Variants in ANKRD16 observed in about 807,000 individuals in gnomAD.
ANKRD16 encodes ankyrin repeat domain 16, also known as ankyrin repeat domain-containing protein 16.
ANKRD16 carries 35 observed loss-of-function variants against 37.9 expected under a neutral mutation model. The ratio of observed to expected loss-of-function variants is 0.92; its 90% CI spans 0.71 to 1.23. The LOEUF (loss-of-function observed/expected upper bound fraction) is 1.23. Ranked by LOEUF, ANKRD16 falls within the 50% of genes most tolerant of loss-of-function variation. ANKRD16 has a pLI of 0.00. For missense variants in ANKRD16, 480 were observed against 469.9 expected (o/e 1.02, Z -0.20); for synonymous variants, 206 against 197.2 (o/e 1.04, Z -0.37).
chr10:5,867,523 T>TAA, intron 7 of ANKRD16, among the ~76,000 whole-genome samples: 1 of 152,226 alleles, frequency 6.6e-6, no homozygotes, highest in East Asian at 1.9e-4. Context: ...GAGGTTTTAT[T>TAA]AATAGCAAAG....
chr10:5,889,030 T>C lies in ANKRD16; in HGVS notation c.314+11A>G. 2 of 1,511,026 alleles carry C rather than the reference T, an allele frequency of 1.3e-6. No homozygotes were observed. The highest frequency in any genetic ancestry group is 1.8e-6 in the Non-Finnish European group (2 of 1,135,880). The allele number at this position is 1,511,026 out of a possible 1,614,324, so 93.6% of individuals were successfully genotyped here. On this transcript the variant is annotated intron_variant, in intron 1 of 7. Coordinates refer to ENST00000380094, the MANE Select transcript of ANKRD16 (RefSeq NM_019046.3). Reference sequence around the variant, plus strand: ...GAGGGGAGGCGGGGTGTCTTTCCGCTCCACACCTACCAGTCGGCCTTCTTC... The same window carrying C: ...GAGGGGAGGCGGGGTGTCTTTCCGCCCCACACCTACCAGTCGGCCTTCTTC...
Position 5,870,376 on chromosome 10 carries a change from C to T in ANKRD16, c.*34-7685G>A, listed in dbSNP as rs1842069090. ...TCTTCCCTGCGACTCTGCCCGGGCACCAGCCAGTCCTCATTCCCTCCCTAC... is the reference window on the plus strand; with the variant it reads ...TCTTCCCTGCGACTCTGCCCGGGCATCAGCCAGTCCTCATTCCCTCCCTAC... On this transcript the variant is annotated intron_variant, in intron 7 of 7. Coordinates refer to ENST00000380094, the MANE Select transcript of ANKRD16 (RefSeq NM_019046.3). This position sits in a 1 kb window ranked among gnomAD's most constrained non-coding sequence, Gnocchi z 5.0. Among the ~76,000 whole-genome samples the T allele has an allele frequency of 6.6e-6, 1 of 151,838 alleles. No homozygotes were observed. The highest frequency in any genetic ancestry group is 6.6e-5 in the Admixed American group (1 of 15,240).
At position 5,864,684 on chromosome 10, in the gene ANKRD16, CAGCA is replaced by C. The variant is rs1253905783; in HGVS notation, c.*34-1997_*34-1994del. ...AGAAAGGGACAAATTCCCTACTGGT[CAGCA>C]AGCCGTCCCCATTATGGATCTCCAG... On this transcript the variant is annotated intron_variant, in intron 7 of 7. Coordinates refer to ENST00000380094, the MANE Select transcript of ANKRD16 (RefSeq NM_019046.3). This position sits in a 1 kb window ranked among gnomAD's most constrained non-coding sequence, Gnocchi z 4.4. 6.6e-6 allele frequency among the ~76,000 whole-genome samples: 1 copy of C among 152,160 alleles called. No individual in the cohort carries two copies. Among genetic ancestry groups the C allele is most frequent in the Non-Finnish European group, 1.5e-5 (1 of 68,038 alleles).
In ANKRD16 at chr10:5,874,866, C is replaced by T. The variant is rs115754639; in HGVS notation, c.*33+3231G>A. On this transcript the variant is annotated intron_variant, in intron 7 of 7. Transcript: ENST00000380094. This position sits in a 1 kb window ranked among gnomAD's most constrained non-coding sequence, Gnocchi z 4.7. ...GAGATGCTGGAGACAGAAGCTGGTA[C>T]GCATGAGCACGGAGGGCCAGCCTGA... Among the ~76,000 whole-genome samples, 920 of 152,082 alleles carry T rather than the reference C, an allele frequency of 6.0e-3. 9 individuals carry two copies. The highest frequency in any genetic ancestry group is 0.02 in the African/African-American group (848 of 41,454).
chr10:5,889,359 G>GCGGGT lies in ANKRD16; in HGVS notation c.-10_-6dup. On this transcript the variant is annotated 5_prime_UTR_variant, in exon 1 of 8. Transcript: ENST00000380094. ...CGGGTCCCCGGGCTGGGCCATCGCC[G>GCGGGT]CGGGTCGGGCCGGGCTGCGCGGGGA... is the stretch of plus-strand genomic sequence containing the variant. 2 of 1,219,844 alleles carry GCGGGT rather than the reference G, an allele frequency of 1.6e-6. No individual in the cohort carries two copies. Among genetic ancestry groups the GCGGGT allele is most frequent in the South Asian group, 4.0e-5 (1 of 25,268 alleles). 75.6% of individuals were successfully genotyped at this position (1,219,844 alleles called of 1,614,324 possible).
chr10:5,869,185 T>C lies in ANKRD16; in HGVS notation c.*34-6494A>G, dbSNP rs981389716. 1.3e-5 allele frequency among the ~76,000 whole-genome samples: 2 copies of C among 152,170 alleles called. No individual in the cohort carries two copies. The highest frequency in any genetic ancestry group is 4.8e-5 in the African/African-American group (2 of 41,442). ...GGCCCAAGGGAGACAAAAGATTAGA[T>C]ACCCTGCTTTTGGAGGCGAGGGATG... On this transcript the variant is annotated intron_variant, in intron 7 of 7. Coordinates refer to ENST00000380094, the MANE Select transcript of ANKRD16 (RefSeq NM_019046.3). This position sits in a 1 kb window ranked among gnomAD's most constrained non-coding sequence, Gnocchi z 4.0.
Position 5,874,907 on chromosome 10 carries a change from G to A in ANKRD16, c.*33+3190C>T, listed in dbSNP as rs1589017999. Among the ~76,000 whole-genome samples the A allele has an allele frequency of 6.6e-6, 1 of 152,308 alleles. No individual in the cohort carries two copies. The highest frequency in any genetic ancestry group is 2.4e-5 in the African/African-American group (1 of 41,556). On this transcript the variant is annotated intron_variant, in intron 7 of 7. Coordinates refer to ENST00000380094, the MANE Select transcript of ANKRD16 (RefSeq NM_019046.3). The surrounding 1 kb of genome is among the most constrained non-coding windows in gnomAD (Gnocchi z 4.7). ...GCCAGCCTGACAGAGGAGTGCAGAGGCAGAGAAGGAAAAGGCAGAAAGAAA... is the reference window on the plus strand; with the variant it reads ...GCCAGCCTGACAGAGGAGTGCAGAGACAGAGAAGGAAAAGGCAGAAAGAAA...
At chr10:5,877,189 T>C (rs916425565) in intron 7 of ANKRD16, among the ~76,000 whole-genome samples, 1 of 152,220 alleles carries the variant, frequency 6.6e-6, no homozygotes, top group African/African-American at 2.4e-5. Flanking sequence ...CTCAGCTCAC[T>C]GCAACCTCTG....
chr10:5,869,193 T>C lies in ANKRD16; in HGVS notation c.*34-6502A>G, dbSNP rs1736810096. On this transcript the variant is annotated intron_variant, in intron 7 of 7. Transcript: ENST00000380094. This position sits in a 1 kb window ranked among gnomAD's most constrained non-coding sequence, Gnocchi z 4.0. ...GGAGACAAAAGATTAGATACCCTGC[T>C]TTTGGAGGCGAGGGATGTGTTTATT... Among the ~76,000 whole-genome samples, 1 of 152,172 alleles carries C rather than the reference T, an allele frequency of 6.6e-6. No homozygotes were observed. The highest frequency in any genetic ancestry group is 1.5e-5 in the Non-Finnish European group (1 of 68,042).
rs190530338 is a variant in ANKRD16 at position 5,878,115 on chromosome 10, C to G, written c.*15G>C. On this transcript the variant is annotated 3_prime_UTR_variant, in exon 7 of 8. Transcript: ENST00000380094. This position sits in a 1 kb window ranked among gnomAD's most constrained non-coding sequence, Gnocchi z 5.1. The stretch of plus-strand genomic sequence containing the variant: ...GAATTACCATGCACTTTATTGCCTC[C>G]TCTTGGAAACATCCTTATGTCATTG... The G allele has an allele frequency of 1.9e-6, 3 of 1,610,016 alleles. No homozygotes were observed. The highest frequency in any genetic ancestry group is 1.7e-5 in the Admixed American group (1 of 59,368).
intron 5 of ANKRD16, 148 bp from the exon 6 acceptor site, chr10:5,880,524 C>T: frequency 2.4e-6 from 1 of 417,190 alleles, no homozygotes; most frequent in Non-Finnish European, 4.2e-6. Flanking sequence ...CTGTGTCTCT[C>T]TCCAAAGATG....
chr10:5,867,947 G>A (rs1490620308), intron 7 of ANKRD16, among the ~76,000 whole-genome samples: 1 of 152,212 alleles, frequency 6.6e-6, no homozygotes, highest in Admixed American at 6.5e-5. Flanking sequence ...CTTAGGGGAA[G>A]AGTGTTGCTT....
At chr10:5,872,909 G>A (rs1842124704) in intron 7 of ANKRD16, among the ~76,000 whole-genome samples, 1 of 151,836 alleles carries the variant, frequency 6.6e-6, no homozygotes, top group South Asian at 2.1e-4. Flanking sequence ...CACCCAGGCT[G>A]GAGTGCAGTG....
intron 7 of ANKRD16, among the ~76,000 whole-genome samples, chr10:5,876,313 T>A (rs1451088791): frequency 6.6e-6 from 1 of 152,202 alleles, no homozygotes; most frequent in Non-Finnish European, 1.5e-5. Context: ...CAGTGTAACA[T>A]GCTGTGTCAT....
At position 5,863,972 on chromosome 10, in the gene ANKRD16, G is replaced by A. The variant is rs115148635; in HGVS notation, c.*34-1281C>T. On this transcript the variant is annotated intron_variant, in intron 7 of 7. Coordinates refer to ENST00000380094, the MANE Select transcript of ANKRD16 (RefSeq NM_019046.3). This position sits in a 1 kb window ranked among gnomAD's most constrained non-coding sequence, Gnocchi z 4.7. ...AAATGCATCTAAGCCATTGGGACCA[G>A]TTTGACCCACAAACCCTGAAAAAGA... Among the ~76,000 whole-genome samples the A allele has an allele frequency of 0.026, 3,989 of 152,152 alleles. 177 individuals are homozygous for A. Among genetic ancestry groups the A allele is most frequent in the African/African-American group, 0.09 (3,743 of 41,462 alleles).
At position 5,863,083 on chromosome 10, in the gene ANKRD16, T is replaced by C. The variant is rs187562803; in HGVS notation, c.*34-392A>G. 9.7e-4 allele frequency among the ~76,000 whole-genome samples: 148 copies of C among 152,238 alleles called. No homozygotes were observed. Among genetic ancestry groups the C allele is most frequent in the Non-Finnish European group, 1.9e-3 (130 of 68,020 alleles). On this transcript the variant is annotated intron_variant, in intron 7 of 7. Coordinates refer to ENST00000380094, the MANE Select transcript of ANKRD16 (RefSeq NM_019046.3). This position sits in a 1 kb window ranked among gnomAD's most constrained non-coding sequence, Gnocchi z 4.7. ...GCTGCTGCTATACAGCCAGTGATCC[T>C]GCCACGTCCCTGACTCCATGGGCTT...
At chr10:5,882,947 A>G in intron 5 of ANKRD16, 59 bp downstream of exon 5, 3 of 1,574,362 alleles carry the variant, frequency 1.9e-6, no homozygotes, top group Non-Finnish European at 2.6e-6. Flanking sequence ...AGAGCTACTG[A>G]TCAAAGAAGT....
chr10:5,887,131 T>C (rs116137550), intron 2 of ANKRD16, among the ~76,000 whole-genome samples: 17 of 152,336 alleles, frequency 1.1e-4, no homozygotes, highest in African/African-American at 3.8e-4. Context: ...CTCTTTAAAC[T>C]CTACAACAAC....
rs1001753254 is a variant in ANKRD16 at position 5,871,892 on chromosome 10, G to T, written c.*33+6205C>A. 1.3e-5 allele frequency among the ~76,000 whole-genome samples: 2 copies of T among 151,982 alleles called. No homozygotes were observed. Among genetic ancestry groups the T allele is most frequent in the Non-Finnish European group, 2.9e-5 (2 of 68,024 alleles). ...TCTTTCCTTTCCTTCACCACACAAT[G>T]CAGCCAAGGGTGCAGAGAGTTGCTC... On this transcript the variant is annotated intron_variant, in intron 7 of 7. Coordinates refer to ENST00000380094, the MANE Select transcript of ANKRD16 (RefSeq NM_019046.3). The surrounding 1 kb of genome is among the most constrained non-coding windows in gnomAD (Gnocchi z 4.5).
Sources: gnomAD v4.1 joint callset for allele counts (sites outside exome capture counted in the v4.1 genomes callset) on GRCh38, gnomAD v4.1.1 for gene constraint, Gnocchi (gnomAD v3.1) non-coding constraint, MANE v1.5 for transcripts, NCBI Gene and HGNC (gene_info 2026-07-23, HGNC 2026-07-21) for gene names.